The following SCN1A variants were observed in gnomAD, a reference collection of about 807,000 sequenced individuals.
SCN1A encodes sodium voltage-gated channel alpha subunit 1.
A neutral mutation model predicts 193.7 loss-of-function variants in SCN1A; 13 were observed. That is an observed-to-expected ratio of 0.07 (90% CI 0.04 to 0.11). The LOEUF (loss-of-function observed/expected upper bound fraction) is 0.11, where lower values mean the gene tolerates loss of function less well. Among genes scored for constraint, SCN1A ranks in the 10% least tolerant of loss-of-function variants. The probability of loss-of-function intolerance (pLI) is 1.00; values close to 1 mark genes in which losing one functional copy is unlikely to be tolerated. For synonymous variants in SCN1A, 781 were observed against 843.6 expected (o/e 0.93, Z 1.29); for missense variants, 1,432 against 2,451.1 (o/e 0.58, Z 8.78).
intron 16 of SCN1A, among the ~76,000 whole-genome samples, chr2:166,040,405 ATT>A (rs1220915117): frequency 6.6e-6 from 1 of 152,150 alleles, no homozygotes; most frequent in Non-Finnish European, 1.5e-5. Flanking sequence ...TACTATTGTC[ATT>A]CTTTGTTATG....
intron 2 of SCN1A, among the ~76,000 whole-genome samples, chr2:166,103,449 TTAAATAAATAAATAAATAAA>T (rs56754104): frequency 8.4e-5 from 12 of 142,988 alleles, no homozygotes; most frequent in East Asian, 2.0e-4. Context: ...AGACTCTGTC[TTAAATAAATAAATAAATAAA>T]TAAATAAATA....
rs3032639 is a variant in SCN1A, at chr2:166,072,789, T to TTTCCTTCCTTCCTTCC, written c.264+553_264+568dup. On this transcript the variant is annotated intron_variant, in intron 4 of 28. Coordinates refer to ENST00000674923, the MANE Select transcript of SCN1A (RefSeq NM_001165963.4). ...ATTTGTTAAATTAGCTGCCTCTTTC[T>TTTCCTTCCTTCCTTCC]TTCCTTCCTTCCTTCCTTCCTTCCT... Among the ~76,000 whole-genome samples the TTTCCTTCCTTCCTTCC allele has an allele frequency of 8.6e-4, 125 of 144,550 alleles. 2 individuals are homozygous for TTTCCTTCCTTCCTTCC. Among genetic ancestry groups the TTTCCTTCCTTCCTTCC allele is most frequent in the East Asian group, 8.6e-3 (42 of 4,902 alleles). 94.8% of individuals were successfully genotyped at this position (144,550 alleles called of 152,430 possible).
At position 166,009,703 on chromosome 2, in the gene SCN1A, C is replaced by T. The variant is rs1443268629; in HGVS notation, c.4002+16G>A. The T allele has an allele frequency of 1.2e-6, 2 of 1,600,192 alleles. No individual in the cohort carries two copies. Among genetic ancestry groups the T allele is most frequent in the East Asian group, 2.2e-5 (1 of 44,476 alleles). The stretch of plus-strand genomic sequence containing the variant: ...TTGGCTATATACAATACTTCAGGTT[C>T]TTTCATTTTTCTTACCCTCATCCCT... On this transcript the variant is annotated intron_variant, in intron 23 of 28. Coordinates refer to ENST00000674923, the MANE Select transcript of SCN1A (RefSeq NM_001165963.4).
intron 2 of SCN1A, among the ~76,000 whole-genome samples, chr2:166,124,610 C>T (rs1327025123): frequency 6.6e-6 from 1 of 152,148 alleles, no homozygotes; most frequent in East Asian, 1.9e-4. Flanking sequence ...CTAAACCAAA[C>T]TGTTTTTGGA....
At chr2:166,033,801 A>G (rs1347375634) in intron 19 of SCN1A, among the ~76,000 whole-genome samples, 1 of 152,144 alleles carries the variant, frequency 6.6e-6, no homozygotes, top group Non-Finnish European at 1.5e-5. Context: ...CAGAAAATGT[A>G]TATCTTATGG....
At chr2:166,127,699 T>C (rs890678818) in intron 1 of SCN1A, 72 bp downstream of exon 1, 2 of 152,202 alleles carry the variant, frequency 1.3e-5, no homozygotes, top group Admixed American at 1.3e-4. Flanking sequence ...TGAATTTCCA[T>C]GGACTCTTTT....
intron 23 of SCN1A, chr2:166,009,455 G>T: frequency 8.1e-6 from 2 of 247,770 alleles, no homozygotes; most frequent in Non-Finnish European, 8.0e-6. Flanking sequence ...TTTGTATATA[G>T]ATTTGTAAGG....
At chr2:166,055,352 C>T (rs914594680) in intron 6 of SCN1A, among the ~76,000 whole-genome samples, 1 of 151,836 alleles carries the variant, frequency 6.6e-6, no homozygotes, top group Non-Finnish European at 1.5e-5. Flanking sequence ...AAATCTTCTA[C>T]TCAGAAATTG....
At chr2:166,022,496 A>T (rs1424597045) in intron 19 of SCN1A, among the ~76,000 whole-genome samples, 2 of 152,314 alleles carry the variant, frequency 1.3e-5, no homozygotes, top group Admixed American at 1.3e-4. Context: ...ATGTTGAATG[A>T]CATGTAAGAA....
chr2:166,036,573 A>C, intron 18 of SCN1A, 43 bp from the exon 19 acceptor site: 1 of 1,577,062 alleles, frequency 6.3e-7, no homozygotes, highest in Non-Finnish European at 8.7e-7. Flanking sequence ...ACACCAATGT[A>C]GGGAAGAGCA....
intron 4 of SCN1A, among the ~76,000 whole-genome samples, chr2:166,062,536 G>A (rs1313000401): frequency 3.3e-5 from 5 of 152,080 alleles, no homozygotes; most frequent in African/African-American, 1.2e-4. Context: ...CCCAAAAGTG[G>A]CATTGATGAT....
At chr2:166,041,139 T>G in intron 16 of SCN1A, 92 bp downstream of exon 16, 2 of 973,554 alleles carry the variant, frequency 2.1e-6, no homozygotes, top group Non-Finnish European at 3.3e-6. Flanking sequence ...GCATGAAGGA[T>G]GGTTGAAAGA....
chr2:166,015,379 T>C (rs2105626011), intron 20 of SCN1A, among the ~76,000 whole-genome samples: 1 of 152,042 alleles, frequency 6.6e-6, no homozygotes, highest in African/African-American at 2.4e-5. Flanking sequence ...GTTTTGATGG[T>C]ACTAAAATAT....
rs538267263 is a variant in SCN1A at position 166,112,231 on chromosome 2, A to C, written c.-142+14693T>G. On this transcript the variant is annotated intron_variant, in intron 2 of 28. Coordinates refer to ENST00000674923, the MANE Select transcript of SCN1A (RefSeq NM_001165963.4). ...TTGTTTTATTGTAAGAAATTGTCAC[A>C]GTCATCTCAACCTTCAGCAACTACC... 7.2e-5 allele frequency among the ~76,000 whole-genome samples: 11 copies of C among 152,312 alleles called. No homozygotes were observed. The East Asian group carries it at 1.9e-3, about 27-fold the overall frequency.
intron 2 of SCN1A, among the ~76,000 whole-genome samples, chr2:166,121,687 C>A (rs1475554297): frequency 1.3e-5 from 2 of 152,102 alleles, no homozygotes; most frequent in African/African-American, 4.8e-5. Context: ...TATAAAATAA[C>A]CACAACAGTT....
At position 165,994,173 on chromosome 2, in the gene SCN1A, A is replaced by G. The variant is rs1382278376; in HGVS notation, c.4825T>C (p.Phe1609Leu). 1 of 1,611,696 alleles carries G rather than the reference A, an allele frequency of 6.2e-7. No homozygotes were observed. The highest frequency in any genetic ancestry group is 1.3e-5 in the African/African-American group (1 of 74,938). Residue 1609 changes from phenylalanine (F) to leucine (L), a missense_variant, in exon 28 of 29, where the codon TTT becomes CTT. Physicochemically the swap from Phe to Leu is conservative, Grantham distance 22. This residue lies in a region of SCN1A where 85 missense variants were observed against 213.2 expected (regional missense o/e 0.40). Transcript: ENST00000674923. ...ACAATGGAGAGAATGACAACCACAA[A>G]ATCAAAAATATTCCATCCAATGGTA... ...YFTIGWNIFD[F>L]VVVILSIVGM...
intron 1 of SCN1A, among the ~76,000 whole-genome samples, chr2:166,145,601 C>T (rs1336841430): frequency 1.3e-5 from 2 of 151,578 alleles, no homozygotes; most frequent in East Asian, 3.9e-4. Flanking sequence ...CATATCAGGT[C>T]GAGAAAATGT....
chr2:166,148,642 C>T (rs1030452037), intron 1 of SCN1A, among the ~76,000 whole-genome samples: 3 of 152,130 alleles, frequency 2.0e-5, no homozygotes, highest in African/African-American at 7.2e-5. Flanking sequence ...AAGACAAATA[C>T]AGGCATATAT....
intron 2 of SCN1A, among the ~76,000 whole-genome samples, chr2:166,103,230 C>T (rs759124276): frequency 2.0e-5 from 3 of 152,126 alleles, no homozygotes; most frequent in Non-Finnish European, 4.4e-5. Context: ...GAGGGCGGAT[C>T]ACCTGAGGCC....
Sources: allele counts gnomAD v4.1 joint callset (sites outside exome capture counted in the v4.1 genomes callset), GRCh38; gene constraint gnomAD v4.1.1; regional missense constraint gnomAD v4.1.1; transcripts MANE v1.5; gene names NCBI Gene and HGNC (gene_info 2026-07-23, HGNC 2026-07-21).